Variants in SEH1L observed in about 807,000 individuals in gnomAD.
SEH1L encodes the protein SEH1 like nucleoporin.
SEH1L carries 18 observed loss-of-function variants against 49.5 expected under a neutral mutation model. The ratio of observed to expected loss-of-function variants is 0.36; its 90% CI spans 0.25 to 0.54. The LOEUF (loss-of-function observed/expected upper bound fraction) is 0.54. Ranked by LOEUF, SEH1L falls within the 20% of genes least tolerant of loss-of-function variation. The probability of loss-of-function intolerance (pLI) is 0.87; values close to 1 mark genes in which losing one functional copy is unlikely to be tolerated. For missense variants in SEH1L, 404 were observed against 528.8 expected (o/e 0.76, Z 2.31); for synonymous variants, 169 against 178.1 (o/e 0.95, Z 0.41).
At chr18:12,966,157 A>G (rs1257892805) in intron 4 of SEH1L, among the ~76,000 whole-genome samples, 5 of 136,080 alleles carry the variant, frequency 3.7e-5, no homozygotes, top group Non-Finnish European at 6.2e-5. Context: ...CAGTGGTGTG[A>G]TCTTGGCTCA....
In SEH1L at chr18:12,970,100, G is replaced by C. The variant is rs543136962; in HGVS notation, c.522-1053G>C. Among the ~76,000 whole-genome samples the C allele has an allele frequency of 1.8e-4, 28 of 151,680 alleles. 2 individuals are homozygous for C. In the South Asian group the frequency reaches 5.8e-3, roughly 32 times the overall value. On this transcript the variant is annotated intron_variant, in intron 4 of 8. Coordinates refer to ENST00000399892, the MANE Select transcript of SEH1L (RefSeq NM_001013437.2). ...TAGTAATAAAGAACTAATTTTTTTTGTCAGTTACCACATTTTGTTTTTAGC... is the reference window on the plus strand; with the variant it reads ...TAGTAATAAAGAACTAATTTTTTTTCTCAGTTACCACATTTTGTTTTTAGC...
chr18:12,966,605 T>G (rs1316188166), intron 4 of SEH1L, among the ~76,000 whole-genome samples: 1 of 152,144 alleles, frequency 6.6e-6, no homozygotes, highest in East Asian at 1.9e-4. Context: ...TTTCGCCTTG[T>G]TGCCCAGAAT....
At chr18:12,978,724 A>G in intron 5 of SEH1L, 28 bp from the exon 6 acceptor site, 1 of 1,586,100 alleles carries the variant, frequency 6.3e-7, no homozygotes. Context: ...TATTTCTAAA[A>G]TGTTAATGTC....
At chr18:12,984,535 G>A (rs147242511) in intron 8 of SEH1L, among the ~76,000 whole-genome samples, 1 of 152,186 alleles carries the variant, frequency 6.6e-6, no homozygotes, top group Non-Finnish European at 1.5e-5. Context: ...GTGTTTTTTA[G>A]TGCTTGTAGT....
At chr18:12,971,373 A>G (rs189914484) in intron 5 of SEH1L, 122 bp downstream of exon 5, 26 of 683,708 alleles carry the variant, frequency 3.8e-5, no homozygotes, top group Non-Finnish European at 5.7e-5. Context: ...TTACTATAAT[A>G]TACCAAGTTC....
At chr18:12,969,296 G>A (rs1310167805) in intron 4 of SEH1L, among the ~76,000 whole-genome samples, 1 of 147,768 alleles carries the variant, frequency 6.8e-6, no homozygotes, top group Non-Finnish European at 1.5e-5. Flanking sequence ...GGGTGTGGTG[G>A]TGCACACCTG....
At chr18:12,970,081 T>C (rs1469063821) in intron 4 of SEH1L, among the ~76,000 whole-genome samples, 1 of 152,214 alleles carries the variant, frequency 6.6e-6, no homozygotes, top group Non-Finnish European at 1.5e-5. Context: ...GCTTTAGTAA[T>C]AAAGAACTAA....
chr18:12,955,871 A>G (rs760969561), intron 3 of SEH1L, among the ~76,000 whole-genome samples: 4 of 152,006 alleles, frequency 2.6e-5, no homozygotes, highest in Non-Finnish European at 5.9e-5. Context: ...GATTTTACCT[A>G]TTAGTATATT....
intron 4 of SEH1L, among the ~76,000 whole-genome samples, chr18:12,969,871 CAG>C (rs1161846501): frequency 1.3e-5 from 2 of 151,810 alleles, no homozygotes; most frequent in East Asian, 3.9e-4. Flanking sequence ...GCCTGGGTGA[CAG>C]AGCAAGGCTC....
In SEH1L at chr18:12,986,929, C is replaced by T. The variant is rs775210345; in HGVS notation, c.1138C>T (p.Pro380Ser). The T allele has an allele frequency of 2.6e-5, 35 of 1,340,668 alleles. No homozygotes were observed. The highest frequency in any genetic ancestry group is 3.2e-5 in the South Asian group (2 of 61,780). 83.0% of individuals were successfully genotyped at this position (1,340,668 alleles called of 1,614,324 possible). Residue 380 changes from proline to serine, a missense_variant, in exon 9 of 9, where the codon CCT (proline) becomes TCT (serine). This residue lies in a region of SEH1L where 342 missense variants were observed against 430.8 expected (regional missense o/e 0.79). Coordinates refer to ENST00000399892, the MANE Select transcript of SEH1L (RefSeq NM_001013437.2). ...ATGGTCCAGTTATGCCCAGCTCCTT[C>T]CTCCTCCTCCTCCTCCTCTGGTAGA... ...SRWSSYAQLL[P>S]PPPPPLVEHS...
At chr18:12,972,906 C>G (rs961907197) in intron 5 of SEH1L, 3 of 149,412 alleles carry the variant, frequency 2.0e-5, no homozygotes, top group Non-Finnish European at 3.0e-5. Context: ...AGCCCAAAAA[C>G]GTAAAAGGTG....
At chr18:12,967,497 T>A (rs2031501939) in intron 4 of SEH1L, among the ~76,000 whole-genome samples, 1 of 152,236 alleles carries the variant, frequency 6.6e-6, no homozygotes. Flanking sequence ...GCGAACTGAC[T>A]AAACTGTGTA....
chr18:12,971,132 G>A (rs376747252), intron 4 of SEH1L, 21 bp from the exon 5 acceptor site: 1 of 1,538,496 alleles, frequency 6.5e-7, no homozygotes, highest in Non-Finnish European at 9.0e-7. Flanking sequence ...TATCTAAAAT[G>A]TTCTTTCTCC....
intron 4 of SEH1L, among the ~76,000 whole-genome samples, chr18:12,969,465 G>A (rs547025999): frequency 2.6e-5 from 4 of 151,774 alleles, no homozygotes; most frequent in Admixed American, 2.0e-4. Context: ...CGAGGTGGGC[G>A]GATCATGAGG....
In SEH1L at chr18:12,984,167, A is replaced by C. The variant is rs1439098183; in HGVS notation, c.1047A>C (p.Ser349=). 6.2e-7 allele frequency: 1 copy of C among 1,613,770 alleles called. No homozygotes were observed. The highest frequency in any genetic ancestry group is 8.5e-7 in the Non-Finnish European group (1 of 1,179,824). ...LGSTIPSLQN[S]LNGSSAGRYF... ...CAACTATTCCAAGTCTTCAGAATTC[A>C]TTAAATGGATCTTCTGCTGGCAGGT... is the stretch of plus-strand genomic sequence containing the variant. The change falls in exon 8 of 9, where the codon TCA becomes TCC. Residue 349 remains serine, a synonymous_variant. Coordinates refer to ENST00000399892, the MANE Select transcript of SEH1L (RefSeq NM_001013437.2).
At chr18:12,948,254 G>A (rs767902585) in intron 1 of SEH1L, 22 bp downstream of exon 1, 1 of 1,584,774 alleles carries the variant, frequency 6.3e-7, no homozygotes, top group Admixed American at 1.7e-5. Flanking sequence ...GCTTGCGGGC[G>A]GGGCCGACCC....
At chr18:12,973,713 T>A (rs1341242898) in intron 5 of SEH1L, 2 of 152,214 alleles carry the variant, frequency 1.3e-5, no homozygotes, top group African/African-American at 4.8e-5. Flanking sequence ...ACTGGGGGAT[T>A]CCCTGTATTA....
intron 1 of SEH1L, among the ~76,000 whole-genome samples, chr18:12,949,843 C>G (rs2030408125): frequency 6.6e-6 from 1 of 152,002 alleles, no homozygotes; most frequent in South Asian, 2.1e-4. Context: ...TCTCCAGAAC[C>G]TTTTCATCAT....
intron 4 of SEH1L, among the ~76,000 whole-genome samples, chr18:12,969,475 G>A (rs1270433451): frequency 6.6e-6 from 1 of 151,298 alleles, no homozygotes; most frequent in African/African-American, 2.4e-5. Flanking sequence ...GGATCATGAG[G>A]TCAGGAGATC....
Sources: allele counts gnomAD v4.1 joint callset (sites outside exome capture counted in the v4.1 genomes callset), GRCh38; gene constraint gnomAD v4.1.1; regional missense constraint gnomAD v4.1.1; transcripts MANE v1.5; gene names NCBI Gene and HGNC (gene_info 2026-07-23, HGNC 2026-07-21).